MTMR12: variants seen among roughly 807,000 people sequenced by gnomAD.
MTMR12 encodes myotubularin-related protein 12.
In MTMR12, 33 loss-of-function variants were observed where a neutral mutation model predicts 96.7. That is an observed-to-expected ratio of 0.34 (90% confidence interval 0.26 to 0.46). The LOEUF is 0.46. Ranked by LOEUF, MTMR12 falls within the 20% of genes least tolerant of loss-of-function variation. MTMR12 has a pLI of 1.00. For synonymous variants in MTMR12, 298 were observed against 327.2 expected (o/e 0.91, Z 0.96); for missense variants, 721 against 896.1 (o/e 0.80, Z 2.49).
At chr5:32,295,468 C>T (rs4867424) in intron 1 of MTMR12, among the ~76,000 whole-genome samples, 86,544 of 152,076 alleles carry the variant, frequency 0.57, 25,588 homozygotes, top group African/African-American at 0.74. Flanking sequence ...AATGGACAAG[C>T]TGAGTATTCT....
chr5:32,236,269 T>TA (rs1748223687), intron 13 of MTMR12, among the ~76,000 whole-genome samples: 1 of 152,030 alleles, frequency 6.6e-6, no homozygotes. Context: ...AACATATGGG[T>TA]AGGCGCAGTG....
chr5:32,255,510 A>T (rs1470180465), intron 8 of MTMR12, among the ~76,000 whole-genome samples, 183 bp downstream of exon 8: 1 of 152,178 alleles, frequency 6.6e-6, no homozygotes, highest in East Asian at 1.9e-4. Context: ...ATTTGTGAAA[A>T]CTTTAGAACT....
chr5:32,270,866 C>T lies in MTMR12; in HGVS notation c.440G>A (p.Arg147Gln). 2 of 1,613,934 alleles carry T rather than the reference C, an allele frequency of 1.2e-6. No homozygotes were observed. The highest frequency in any genetic ancestry group is 1.7e-6 in the Non-Finnish European group (2 of 1,179,908). ...EKLIIHCKDL[R>Q]VFQFCLRYTK... Reference sequence around the variant, plus strand: ...GTACCTCAGACAAAACTGGAACACTCGAAGGTCTTTGCAGTGGATGATGAG... The same window carrying T: ...GTACCTCAGACAAAACTGGAACACTTGAAGGTCTTTGCAGTGGATGATGAG... Residue 147 changes from arginine to glutamine, a missense_variant, in exon 5 of 16, where the codon CGA (arginine) becomes CAA (glutamine). Transcript: ENST00000382142.
intron 1 of MTMR12, among the ~76,000 whole-genome samples, chr5:32,299,609 G>C (rs1005754511): frequency 6.6e-6 from 1 of 152,204 alleles, no homozygotes; most frequent in African/African-American, 2.4e-5. Flanking sequence ...CAGGAAGAAG[G>C]CAAGAGGAAC....
At chr5:32,289,874 A>T (rs4272143) in intron 1 of MTMR12, among the ~76,000 whole-genome samples, 83,987 of 151,748 alleles carry the variant, frequency 0.55, 24,180 homozygotes, top group African/African-American at 0.73. Flanking sequence ...CAGTATCACA[A>T]CCCTGGAGGG....
At chr5:32,250,778 C>T (rs1177078754) in intron 8 of MTMR12, among the ~76,000 whole-genome samples, 2 of 152,132 alleles carry the variant, frequency 1.3e-5, no homozygotes, top group East Asian at 3.9e-4. Flanking sequence ...AACTCCTAAT[C>T]ATAACTGTCT....
chr5:32,265,685 A>G (rs1749561440), intron 6 of MTMR12, among the ~76,000 whole-genome samples: 1 of 152,220 alleles, frequency 6.6e-6, no homozygotes, highest in South Asian at 2.1e-4. Flanking sequence ...TGTTCAACCT[A>G]ATATTACTGG....
chr5:32,297,397 A>C (rs1329139431), intron 1 of MTMR12, among the ~76,000 whole-genome samples: 1 of 152,202 alleles, frequency 6.6e-6, no homozygotes, highest in Non-Finnish European at 1.5e-5. Context: ...TAATACCTAC[A>C]AATGTTCTTT....
In MTMR12 at chr5:32,247,743, T is replaced by C. The variant is rs531775106; in HGVS notation, c.1021+259A>G. The stretch of plus-strand genomic sequence containing the variant: ...ACCAAAATGCTCACCACTGGGCAAA[T>C]GGTATGCTGAGGAAGGGGAGAAGAG... On this transcript the variant is annotated intron_variant, in intron 10 of 15. Coordinates refer to ENST00000382142, the MANE Select transcript of MTMR12 (RefSeq NM_001040446.3). 7 of 985,142 alleles carry C rather than the reference T, an allele frequency of 7.1e-6. No homozygotes were observed. In the Admixed American group the frequency reaches 1.8e-4, roughly 26 times the overall value. 61.0% of individuals were successfully genotyped at this position (985,142 alleles called of 1,614,324 possible). A position where few individuals can be genotyped will look rare whatever the true frequency, so the allele number is the denominator to read the frequency against.
chr5:32,241,283 T>C (rs531443588), intron 12 of MTMR12, among the ~76,000 whole-genome samples: 91 of 152,196 alleles, frequency 6.0e-4, no homozygotes, highest in Admixed American at 1.6e-3. Flanking sequence ...GCCCTGCACA[T>C]GGCAGAGGCT....
rs1747870173 is a variant in MTMR12, at chr5:32,228,718, A to G, written c.*1060T>C. Reference sequence around the variant, plus strand: ...AGTTTCTTCTATGGCTTTTAAAATCACTGAGGTATCATATGATAATCATCA... The same window carrying G: ...AGTTTCTTCTATGGCTTTTAAAATCGCTGAGGTATCATATGATAATCATCA... On this transcript the variant is annotated 3_prime_UTR_variant, in exon 16 of 16. Coordinates refer to ENST00000382142, the MANE Select transcript of MTMR12 (RefSeq NM_001040446.3). 6.6e-6 allele frequency: 1 copy of G among 150,688 alleles called. No homozygotes were observed. Among genetic ancestry groups the G allele is most frequent in the African/African-American group, 2.5e-5 (1 of 40,756 alleles). 9.3% of individuals were successfully genotyped at this position (150,688 alleles called of 1,614,324 possible).
At chr5:32,255,293 C>A (rs1749093335) in intron 8 of MTMR12, among the ~76,000 whole-genome samples, 1 of 152,198 alleles carries the variant, frequency 6.6e-6, no homozygotes, top group Non-Finnish European at 1.5e-5. Flanking sequence ...CTAAGCAGCA[C>A]TCCATGTTGT....
At chr5:32,271,686 C>G in intron 4 of MTMR12, 147 bp downstream of exon 4, 1 of 468,632 alleles carries the variant, frequency 2.1e-6, no homozygotes, top group Non-Finnish European at 3.7e-6. Context: ...CTTTACATCT[C>G]AATTTTAGCA....
intron 8 of MTMR12, among the ~76,000 whole-genome samples, chr5:32,255,062 C>G (rs1289440133): frequency 1.3e-5 from 2 of 152,112 alleles, no homozygotes; most frequent in Non-Finnish European, 2.9e-5. Context: ...GGCACGTGAC[C>G]CTGCTTAACC....
intron 13 of MTMR12, among the ~76,000 whole-genome samples, chr5:32,237,808 C>A (rs1243769522): frequency 6.6e-6 from 1 of 151,900 alleles, no homozygotes; most frequent in African/African-American, 2.4e-5. Flanking sequence ...CCGTGCCTGG[C>A]CCCTGTGCTT....
chr5:32,271,019 G>A (rs1749812359), intron 4 of MTMR12, 72 bp from the exon 5 acceptor site: 1 of 1,487,088 alleles, frequency 6.7e-7, no homozygotes, highest in Non-Finnish European at 9.1e-7. Flanking sequence ...AAGAAATGAA[G>A]TAGATGATCA....
At position 32,247,872 on chromosome 5, in the gene MTMR12, A is replaced by G. The variant is rs986545169; in HGVS notation, c.1021+130T>C. The G allele has an allele frequency of 4.3e-6, 6 of 1,397,894 alleles. No homozygotes were observed. In the South Asian group the frequency reaches 6.9e-5, roughly 16 times the overall value. 86.6% of individuals were successfully genotyped at this position (1,397,894 alleles called of 1,614,324 possible). On this transcript the variant is annotated intron_variant, in intron 10 of 15. Coordinates refer to ENST00000382142, the MANE Select transcript of MTMR12 (RefSeq NM_001040446.3). ...TAATGGCAGCCAGACCCCTGGCTCCATGACATCACAGCCCTGGGCTCTGCG... is the reference window on the plus strand; with the variant it reads ...TAATGGCAGCCAGACCCCTGGCTCCGTGACATCACAGCCCTGGGCTCTGCG...
At chr5:32,290,746 T>C (rs1453303976) in intron 1 of MTMR12, among the ~76,000 whole-genome samples, 2 of 152,326 alleles carry the variant, frequency 1.3e-5, no homozygotes, top group East Asian at 3.9e-4. Context: ...CAGATAGGGA[T>C]GCCATTTGGA....
intron 2 of MTMR12, among the ~76,000 whole-genome samples, chr5:32,275,148 C>T (rs925184091): frequency 6.6e-6 from 1 of 152,100 alleles, no homozygotes; most frequent in African/African-American, 2.4e-5. Context: ...CGAACAGTTT[C>T]AGACACTCAG....
Sources: gnomAD v4.1 joint callset for allele counts (sites outside exome capture counted in the v4.1 genomes callset) on GRCh38, gnomAD v4.1.1 for gene constraint, MANE v1.5 for transcripts, NCBI Gene and HGNC (gene_info 2026-07-23, HGNC 2026-07-21) for gene names.